The following ZNF536 variants were observed in gnomAD, a reference collection of about 807,000 sequenced individuals.
ZNF536 encodes the protein zinc finger protein 536.
In ZNF536, 13 loss-of-function variants were observed where a neutral mutation model predicts 84.5. That is an observed-to-expected ratio of 0.15 (90% CI 0.10 to 0.24). The LOEUF is 0.24. Among genes scored for constraint, ZNF536 ranks in the 10% least tolerant of loss-of-function variants. The pLI is 1.00. For synonymous variants in ZNF536, 811 were observed against 742.5 expected (o/e 1.09, Z -1.50); for missense variants, 1,536 against 1,747.5 (o/e 0.88, Z 2.16).
intron 1 of ZNF536, among the ~76,000 whole-genome samples, chr19:30,673,653 C>A (rs1240802916): frequency 1.3e-5 from 2 of 152,148 alleles, no homozygotes; most frequent in African/African-American, 4.8e-5. Flanking sequence ...CTGCAGTGCC[C>A]CTAAGCCTGC....
chr19:30,569,556 G>GTTTTTTTTTTT (rs1193738249), intron 1 of ZNF536, among the ~76,000 whole-genome samples: 5 of 80,434 alleles, frequency 6.2e-5, no homozygotes, highest in East Asian at 5.5e-4. Context: ...CCAGATAAAC[G>GTTTTTTTTTTT]TTCTTTTTTT....
At chr19:30,588,598 G>T (rs984556369) in intron 1 of ZNF536, among the ~76,000 whole-genome samples, 6 of 152,248 alleles carry the variant, frequency 3.9e-5, no homozygotes, top group African/African-American at 1.2e-4. Flanking sequence ...TCCAAACCAA[G>T]AAGAAAGTAT....
intron 1 of ZNF536, among the ~76,000 whole-genome samples, chr19:30,584,737 G>A (rs958421959): frequency 3.3e-5 from 5 of 152,122 alleles, no homozygotes; most frequent in Admixed American, 1.3e-4. Flanking sequence ...CTCTTTGTTT[G>A]TATGTTCTAA....
Position 30,445,971 on chromosome 19 carries a change from G to C in ZNF536, c.2170+239G>C, listed in dbSNP as rs1194377175. On this transcript the variant is annotated intron_variant, in intron 2 of 4. Transcript: ENST00000355537. The surrounding 1 kb of genome is among the most constrained non-coding windows in gnomAD (Gnocchi z 4.5). Reference sequence around the variant, plus strand: ...CTACCAAGAAAGTAAGTTGAGGCCGGGTGTGGTGGCTCACGCCTGTAATCC... The same window carrying C: ...CTACCAAGAAAGTAAGTTGAGGCCGCGTGTGGTGGCTCACGCCTGTAATCC... Among the ~76,000 whole-genome samples, 5 of 152,126 alleles carry C rather than the reference G, an allele frequency of 3.3e-5. No individual in the cohort carries two copies. Among genetic ancestry groups the C allele is most frequent in the Non-Finnish European group, 7.4e-5 (5 of 68,016 alleles).
At chr19:30,540,239 G>C (rs532943949) in intron 3 of ZNF536, among the ~76,000 whole-genome samples, 5 of 152,248 alleles carry the variant, frequency 3.3e-5, no homozygotes, top group African/African-American at 1.2e-4. Context: ...TGCTGGCTGG[G>C]CTCTCACCTG....
chr19:30,236,539 G>C (rs895842399), intron 1 of ZNF536, among the ~76,000 whole-genome samples: 4 of 146,626 alleles, frequency 2.7e-5, no homozygotes, highest in Admixed American at 1.4e-4. Context: ...CGGGGGGGGG[G>C]TACAATTGGA....
At chr19:30,636,828 G>A (rs1385900747) in intron 1 of ZNF536, among the ~76,000 whole-genome samples, 3 of 152,168 alleles carry the variant, frequency 2.0e-5, no homozygotes, top group African/African-American at 7.2e-5. Context: ...GGCAGGCCGT[G>A]TCTTCTCTGG....
intron 1 of ZNF536, 75 bp from the exon 2 acceptor site, chr19:30,443,486 C>G: frequency 6.7e-7 from 1 of 1,484,096 alleles, no homozygotes; most frequent in Non-Finnish European, 8.9e-7. Context: ...TGGAAATTCC[C>G]TGCCCGCCAA....
At chr19:30,328,958 A>G (rs1194769851) in intron 2 of ZNF536, among the ~76,000 whole-genome samples, 3 of 152,190 alleles carry the variant, frequency 2.0e-5, no homozygotes, top group Admixed American at 6.5e-5. Context: ...ATTTTGCGGC[A>G]TCATCAGAGT....
At chr19:30,492,276 A>G (rs2054540363) in intron 2 of ZNF536, among the ~76,000 whole-genome samples, 1 of 152,190 alleles carries the variant, frequency 6.6e-6, no homozygotes, top group African/African-American at 2.4e-5. Flanking sequence ...CGTTTTTATT[A>G]TATGAGACAT....
At chr19:30,601,409 G>C (rs1486899225) in intron 1 of ZNF536, among the ~76,000 whole-genome samples, 1 of 152,152 alleles carries the variant, frequency 6.6e-6, no homozygotes, top group Non-Finnish European at 1.5e-5. Context: ...GGCAGGATTA[G>C]GACCCTCATT....
At chr19:30,504,570 C>A (rs367783201) in intron 2 of ZNF536, among the ~76,000 whole-genome samples, 3 of 133,846 alleles carry the variant, frequency 2.2e-5, no homozygotes, top group African/African-American at 8.4e-5. Flanking sequence ...CCTTCCCTCT[C>A]TCCCACCCTT....
intron 2 of ZNF536, among the ~76,000 whole-genome samples, chr19:30,291,818 T>G (rs910754672): frequency 1.3e-5 from 2 of 152,244 alleles, no homozygotes; most frequent in Non-Finnish European, 2.9e-5. Context: ...CTGCCTGTTC[T>G]CATATGGCCT....
At chr19:30,366,362 C>CTCTATCTATTTA (rs1555731914) in intron 3 of ZNF536, among the ~76,000 whole-genome samples, 4 of 146,582 alleles carry the variant, frequency 2.7e-5, no homozygotes, top group African/African-American at 1.0e-4. Flanking sequence ...CCTATCATAT[C>CTCTATCTATTTA]TCTATCTATC....
chr19:30,305,970 GT>G (rs377217666), intron 2 of ZNF536, among the ~76,000 whole-genome samples: 37 of 152,274 alleles, frequency 2.4e-4, no homozygotes, highest in Middle Eastern at 3.4e-3. Context: ...GGTCACATCG[GT>G]TTTTTTCCCC....
At chr19:30,627,676 C>T (rs183700052) in intron 1 of ZNF536, among the ~76,000 whole-genome samples, 272 of 152,090 alleles carry the variant, frequency 1.8e-3, no homozygotes, top group Non-Finnish European at 3.3e-3. Flanking sequence ...AGAGGGGTTC[C>T]GCAGATTCTC....
chr19:30,364,884 G>T (rs1445495571), intron 3 of ZNF536, among the ~76,000 whole-genome samples: 1 of 152,202 alleles, frequency 6.6e-6, no homozygotes, highest in Non-Finnish European at 1.5e-5. Flanking sequence ...TCAAGAGCAG[G>T]CAAGAACAAT....
chr19:30,237,976 T>C (rs1011485532), intron 1 of ZNF536, among the ~76,000 whole-genome samples: 1 of 152,188 alleles, frequency 6.6e-6, no homozygotes, highest in Non-Finnish European at 1.5e-5. Flanking sequence ...GCCTCACCAC[T>C]TGCAAGCTGT....
chr19:30,474,698 G>T (rs2069536474), intron 2 of ZNF536, among the ~76,000 whole-genome samples: 1 of 152,152 alleles, frequency 6.6e-6, no homozygotes, highest in South Asian at 2.1e-4. Context: ...CAATCAGAGG[G>T]AGTACAGGAG....
Sources: gnomAD v4.1 joint callset for allele counts (sites outside exome capture counted in the v4.1 genomes callset) on GRCh38, gnomAD v4.1.1 for gene constraint, Gnocchi (gnomAD v3.1) non-coding constraint, MANE v1.5 for transcripts, NCBI Gene and HGNC (gene_info 2026-07-23, HGNC 2026-07-21) for gene names.